The following CANX variants were observed in gnomAD, a reference collection of about 807,000 sequenced individuals.
The protein encoded by CANX is calnexin.
Under a neutral mutation model 75.7 loss-of-function variants are expected in CANX, and 14 were observed. That is an observed-to-expected ratio of 0.19 (90% CI 0.12 to 0.29). The LOEUF (loss-of-function observed/expected upper bound fraction) is 0.29, where lower values mean the gene tolerates loss of function less well. Ranked by LOEUF, CANX falls within the 10% of genes least tolerant of loss-of-function variation. The pLI is 1.00. For missense variants in CANX, 567 were observed against 713.2 expected (o/e 0.79, Z 2.34); for synonymous variants, 227 against 236.9 (o/e 0.96, Z 0.38).
chr5:179,695,852 G>A (rs927252770), upstream of CANX, among the ~76,000 whole-genome samples: 12 of 147,380 alleles, frequency 8.1e-5, no homozygotes, highest in South Asian at 2.2e-4. Context: ...GGGTTTCACC[G>A]TGGTCTCGAT....
At chr5:179,713,196 C>T (rs1777698207) in intron 7 of CANX, among the ~76,000 whole-genome samples, 1 of 152,016 alleles carries the variant, frequency 6.6e-6, no homozygotes, top group African/African-American at 2.4e-5. Context: ...ATTCTCCCGT[C>T]TCAGCCTCCC....
exon 1 of CANX, chr5:179,678,747 T>A (rs1051816691): frequency 1.3e-6 from 2 of 1,536,940 alleles, no homozygotes; most frequent in Non-Finnish European, 8.7e-7. Flanking sequence ...TCAGTCAGCA[T>A]GTCTATGAGC....
At chr5:179,715,834 T>C (rs911022066) in intron 7 of CANX, 1 of 461,524 alleles carries the variant, frequency 2.2e-6, no homozygotes, top group South Asian at 2.0e-5. Context: ...GTTTTTTTTT[T>C]TTAGTGTCTA....
intron 7 of CANX, among the ~76,000 whole-genome samples, chr5:179,713,404 A>G (rs1413603699): frequency 3.9e-5 from 6 of 152,194 alleles, no homozygotes; most frequent in African/African-American, 4.8e-5. Context: ...AAAGTAATAC[A>G]TATTTAAGGT....
intron 7 of CANX, among the ~76,000 whole-genome samples, chr5:179,712,513 C>G (rs1010259562): frequency 7.3e-5 from 11 of 151,682 alleles, no homozygotes; most frequent in Admixed American, 3.3e-4. Flanking sequence ...CTGCCTCTTG[C>G]ATTCAAGCGA....
At chr5:179,701,481 G>C (rs1487334528) in intron 1 of CANX, among the ~76,000 whole-genome samples, 1 of 151,728 alleles carries the variant, frequency 6.6e-6, no homozygotes, top group East Asian at 2.0e-4. Context: ...TGAGGCAGGA[G>C]AATCACTAAA....
At chr5:179,713,124 C>T (rs1437737816) in intron 7 of CANX, among the ~76,000 whole-genome samples, 4 of 151,866 alleles carry the variant, frequency 2.6e-5, no homozygotes, top group Non-Finnish European at 5.9e-5. Context: ...CTTTGTCATC[C>T]AGGCTGGAGT....
intron 1 of CANX, among the ~76,000 whole-genome samples, chr5:179,704,999 A>G (rs1777031780): frequency 6.7e-6 from 1 of 148,542 alleles, no homozygotes. Flanking sequence ...TTCTGTGTTA[A>G]TTTTTTTTTT....
intron 13 of CANX, 39 bp from the exon 14 acceptor site, chr5:179,726,641 A>G: frequency 7.0e-7 from 1 of 1,423,960 alleles, no homozygotes; most frequent in Non-Finnish European, 9.9e-7. Flanking sequence ...ATCACCAAAA[A>G]TAATAAGGTT....
At position 179,719,779 on chromosome 5, in the gene CANX, T is replaced by C; in HGVS notation, c.1023T>C (p.Asp341=). Residue 341 remains aspartate, a splice_region_variant and synonymous_variant, in exon 9 of 15, where the codon GAT becomes GAC. Transcript: ENST00000247461. Reference sequence around the variant, plus strand: ...ATCCAGACGCAGAGAAACCTGAGGATTGGTAAGAACTTCAGTTAACTTTTT... The same window carrying C: ...ATCCAGACGCAGAGAAACCTGAGGACTGGTAAGAACTTCAGTTAACTTTTT... ...VPDPDAEKPE[D]WDEDMDGEWE... 2 of 1,564,406 alleles carry C rather than the reference T, an allele frequency of 1.3e-6. No homozygotes were observed. Among genetic ancestry groups the C allele is most frequent in the Non-Finnish European group, 1.8e-6 (2 of 1,142,728 alleles).
chr5:179,722,205 C>T (rs371955474), intron 10 of CANX, among the ~76,000 whole-genome samples: 5 of 152,124 alleles, frequency 3.3e-5, no homozygotes, highest in East Asian at 1.9e-4. Context: ...TGGCACACAC[C>T]TGTAGTCCCA....
chr5:179,716,048 T>C (rs1379810385), intron 7 of CANX, 57 bp from the exon 8 acceptor site: 1 of 1,238,586 alleles, frequency 8.1e-7, no homozygotes, highest in South Asian at 1.2e-5. Context: ...TTTTGTATTA[T>C]GGTAAAGGGA....
intron 8 of CANX, among the ~76,000 whole-genome samples, chr5:179,716,537 C>T (rs1161136456): frequency 1.3e-5 from 2 of 152,240 alleles, no homozygotes; most frequent in Admixed American, 6.5e-5. Flanking sequence ...TGTGGTGACA[C>T]TGTTGGTTTG....
intron 1 of CANX, among the ~76,000 whole-genome samples, chr5:179,688,520 C>T (rs1177102231): frequency 2.6e-5 from 4 of 151,076 alleles, no homozygotes; most frequent in Admixed American, 6.6e-5. Context: ...CCCACCACCA[C>T]GCGCAGCTCA....
At chr5:179,710,537 C>G (rs1237629141) in intron 7 of CANX, among the ~76,000 whole-genome samples, 1 of 149,346 alleles carries the variant, frequency 6.7e-6, no homozygotes, top group Non-Finnish European at 1.5e-5. Flanking sequence ...GAAACCCCGT[C>G]TCTACTAAAA....
chr5:179,707,221 G>A (rs752544899), intron 4 of CANX, 31 bp downstream of exon 4: 41 of 1,157,056 alleles, frequency 3.5e-5, no homozygotes, highest in Admixed American at 8.4e-5. Context: ...AGATATAATA[G>A]CAGATAGAGG....
chr5:179,706,254 A>G lies in CANX; in HGVS notation c.172-4A>G. On this transcript the variant is annotated splice_region_variant and splice_polypyrimidine_tract_variant and intron_variant, in intron 2 of 14. Coordinates refer to ENST00000247461, the MANE Select transcript of CANX (RefSeq NM_001746.4). ...TTTTTAATTCATTTATGTATTTAAC[A>G]CAGGTTACTTACAAAGCTCCAGTTC... The G allele has an allele frequency of 4.0e-6, 6 of 1,513,170 alleles. No individual in the cohort carries two copies. The highest frequency in any genetic ancestry group is 5.5e-6 in the Non-Finnish European group (6 of 1,092,788). The allele number at this position is 1,513,170 out of a possible 1,614,324, so 93.7% of individuals were successfully genotyped here.
chr5:179,702,245 C>A (rs559465262), intron 1 of CANX, among the ~76,000 whole-genome samples: 2 of 151,280 alleles, frequency 1.3e-5, no homozygotes, highest in Non-Finnish European at 2.9e-5. Context: ...ATAGATACTT[C>A]GCTTTGTTGC....
chr5:179,702,604 T>C (rs1776847335), intron 1 of CANX, among the ~76,000 whole-genome samples: 1 of 152,148 alleles, frequency 6.6e-6, no homozygotes, highest in African/African-American at 2.4e-5. Context: ...TGATGGACAC[T>C]TGGGTTGCTT....
Sources: allele counts gnomAD v4.1 joint callset (sites outside exome capture counted in the v4.1 genomes callset), GRCh38; gene constraint gnomAD v4.1.1; transcripts MANE v1.5; gene names NCBI Gene and HGNC (gene_info 2026-07-23, HGNC 2026-07-21).